The following SUCLA2 variants were observed in gnomAD, a reference collection of about 807,000 sequenced individuals.
SUCLA2 encodes the protein succinate--CoA ligase [ADP-forming] subunit beta, mitochondrial.
In SUCLA2, 30 loss-of-function variants were observed where a neutral mutation model predicts 54.8. That is an observed-to-expected ratio of 0.55 (90% CI 0.41 to 0.74). The LOEUF (loss-of-function observed/expected upper bound fraction) is 0.74. SUCLA2 is among the 30% of genes least tolerant of loss of function. The pLI is 0.00. For missense variants in SUCLA2, 476 were observed against 562.9 expected, an observed-to-expected ratio of 0.85 and a Z score of 1.56; for synonymous variants, 172 against 188.9, an observed-to-expected ratio of 0.91 and a Z score of 0.74.
chr13:48,001,100 C>G lies in SUCLA2; in HGVS notation c.90+80G>C, dbSNP rs1593508594. 5.2e-6 allele frequency: 8 copies of G among 1,536,144 alleles called. No individual in the cohort carries two copies. In the South Asian group the frequency reaches 9.5e-5, roughly 18 times the overall value. On this transcript the variant is annotated intron_variant, in intron 1 of 10. Transcript: ENST00000646932. The stretch of plus-strand genomic sequence containing the variant: ...AATGTCACTGCCGGCGAAGTGACCC[C>G]GAGCCGGGCCACGGGACCCCTCACA...
At chr13:47,973,418 A>C (rs1022797957) in intron 4 of SUCLA2, 26 bp from the exon 5 acceptor site, 4 of 1,610,646 alleles carry the variant, frequency 2.5e-6, no homozygotes, top group Non-Finnish European at 3.4e-6. Context: ...AACAACCAAA[A>C]CTCTAGATTT....
chr13:47,971,152 C>T (rs1247075905), intron 5 of SUCLA2, among the ~76,000 whole-genome samples: 1 of 152,222 alleles, frequency 6.6e-6, no homozygotes, highest in Non-Finnish European at 1.5e-5. Context: ...GCGGCTCACA[C>T]CTGTAATCCC....
intron 4 of SUCLA2, among the ~76,000 whole-genome samples, chr13:47,978,217 A>G (rs1950033500): frequency 6.6e-6 from 1 of 152,218 alleles, no homozygotes; most frequent in Admixed American, 6.5e-5. Context: ...AGACACTCCT[A>G]AGCAAACAGA....
chr13:47,958,379 G>A (rs917045719), intron 6 of SUCLA2, among the ~76,000 whole-genome samples: 1 of 152,144 alleles, frequency 6.6e-6, no homozygotes, highest in African/African-American at 2.4e-5. Context: ...ATGTCTAGAT[G>A]TGTTTATTTG....
intron 4 of SUCLA2, among the ~76,000 whole-genome samples, chr13:47,978,201 A>G (rs1402754518): frequency 1.3e-5 from 2 of 152,078 alleles, no homozygotes; most frequent in African/African-American, 4.8e-5. Flanking sequence ...AGAGCCCATA[A>G]AGCCAAGACA....
chr13:47,954,566 G>C lies in SUCLA2; in HGVS notation c.803-9C>G, dbSNP rs1207618540. ...TGCATCCATACACAATACTTTGAAG[G>C]GAAAAAGAGAAAAATGACCTTAATT... On this transcript the variant is annotated splice_polypyrimidine_tract_variant and intron_variant, in intron 6 of 10. Coordinates refer to ENST00000646932, the MANE Select transcript of SUCLA2 (RefSeq NM_003850.3). 6.2e-7 allele frequency: 1 copy of C among 1,611,660 alleles called. No individual in the cohort carries two copies. Among genetic ancestry groups the C allele is most frequent in the African/African-American group, 1.3e-5 (1 of 74,826 alleles).
chr13:47,943,451 A>G lies in SUCLA2; in HGVS notation c.1318-6T>C, dbSNP rs759299478. The G allele has an allele frequency of 6.2e-7, 1 of 1,613,764 alleles. No homozygotes were observed. Among genetic ancestry groups the G allele is most frequent in the Non-Finnish European group, 8.5e-7 (1 of 1,179,746 alleles). On this transcript the variant is annotated splice_region_variant and splice_polypyrimidine_tract_variant and intron_variant, in intron 10 of 10. Transcript: ENST00000646932. ...ATTTCAGAGAGCTTTACAACCTAAA[A>G]GAAAAGAACGAAGAATTTTCACAAA...
At chr13:47,953,182 C>T (rs75128833) in intron 8 of SUCLA2, among the ~76,000 whole-genome samples, 3,215 of 152,244 alleles carry the variant, frequency 0.021, 104 homozygotes, top group African/African-American at 0.071. Context: ...TGACGCCCAT[C>T]ATGTCAGTCC....
At position 47,979,277 on chromosome 13, in the gene SUCLA2, G is replaced by A. The variant is rs539975150; in HGVS notation, c.535-5885C>T. On this transcript the variant is annotated intron_variant, in intron 4 of 10. Coordinates refer to ENST00000646932, the MANE Select transcript of SUCLA2 (RefSeq NM_003850.3). ...GTGATAGACGGGATAAAGAAAATGT[G>A]GCACATATACACCATGGAATACTAT... Among the ~76,000 whole-genome samples, 3 of 152,252 alleles carry A rather than the reference G, an allele frequency of 2.0e-5. No homozygotes were observed. In the East Asian group the frequency reaches 5.8e-4, roughly 29 times the overall value.
intron 1 of SUCLA2, 79 bp downstream of exon 1, chr13:48,001,101 G>A (rs1348957874): frequency 9.1e-6 from 14 of 1,536,878 alleles, no homozygotes; most frequent in Non-Finnish European, 1.1e-5. Flanking sequence ...AAGTGACCCC[G>A]AGCCGGGCCA....
intron 5 of SUCLA2, chr13:47,971,712 G>C (rs1173903145): frequency 2.6e-6 from 1 of 391,496 alleles, no homozygotes; most frequent in Non-Finnish European, 4.5e-6. Flanking sequence ...ATAAACCACA[G>C]CTCTATTATG....
At chr13:48,000,851 A>G (rs1950224568) in intron 1 of SUCLA2, 6 of 1,164,896 alleles carry the variant, frequency 5.2e-6, no homozygotes, top group South Asian at 2.4e-5. Context: ...ACCGTGCCAG[A>G]CGCCGGAATG....
At chr13:47,946,824 C>G (rs918638385) in intron 10 of SUCLA2, among the ~76,000 whole-genome samples, 3 of 151,866 alleles carry the variant, frequency 2.0e-5, no homozygotes, top group African/African-American at 7.3e-5. Flanking sequence ...GATAGTATGG[C>G]ATGAACGAAG....
chr13:47,995,333 C>T (rs921366027), intron 2 of SUCLA2, among the ~76,000 whole-genome samples: 5 of 152,036 alleles, frequency 3.3e-5, no homozygotes, highest in Admixed American at 3.3e-4. Context: ...AATTTCACCA[C>T]AATTAGTATG....
At chr13:47,994,271 C>T (rs1036725613) in intron 2 of SUCLA2, among the ~76,000 whole-genome samples, 3 of 151,624 alleles carry the variant, frequency 2.0e-5, no homozygotes, top group Non-Finnish European at 1.5e-5. Flanking sequence ...CAATGACTCA[C>T]TAAAAACACA....
Position 47,943,086 on chromosome 13 carries a change from C to G in SUCLA2, c.*285G>C. On this transcript the variant is annotated 3_prime_UTR_variant, in exon 11 of 11. Coordinates refer to ENST00000646932, the MANE Select transcript of SUCLA2 (RefSeq NM_003850.3). ...CTCTTATCAATGAAGAACTTTGTATCCAACAATAATAAACTGGCAAATTGC... is the reference window on the plus strand; with the variant it reads ...CTCTTATCAATGAAGAACTTTGTATGCAACAATAATAAACTGGCAAATTGC... 1 of 394,322 alleles carries G rather than the reference C, an allele frequency of 2.5e-6. No homozygotes were observed. The highest frequency in any genetic ancestry group is 2.7e-5 in the South Asian group (1 of 36,750). The allele number at this position is 394,322 out of a possible 1,614,324, so 24.4% of individuals were successfully genotyped here. A position where few individuals can be genotyped will look rare whatever the true frequency, so the allele number is the denominator to read the frequency against.
chr13:47,999,788 T>G (rs1474602647), intron 1 of SUCLA2, among the ~76,000 whole-genome samples: 1 of 152,072 alleles, frequency 6.6e-6, no homozygotes, highest in Non-Finnish European at 1.5e-5. Context: ...GACTCCGTAC[T>G]TCTATGTCCT....
At chr13:47,994,567 C>CA (rs777506622) in intron 2 of SUCLA2, among the ~76,000 whole-genome samples, 3,005 of 42,266 alleles carry the variant, frequency 0.071, 125 homozygotes, top group African/African-American at 0.16. Flanking sequence ...GACTCCGTCT[C>CA]AAAAAAAAAA....
rs1303903920 is a variant in SUCLA2, at chr13:47,969,923, GA to G, written c.664-1191del. Among the ~76,000 whole-genome samples, 19 of 152,122 alleles carry G rather than the reference GA, an allele frequency of 1.2e-4. No individual in the cohort carries two copies. In the South Asian group the frequency reaches 1.5e-3, roughly 12 times the overall value. On this transcript the variant is annotated intron_variant, in intron 5 of 10. Transcript: ENST00000646932. Reference sequence around the variant, plus strand: ...TTGAGACCAGCCTGGGCAACATGGTGAAACACTGTCTCTATCAAAAATACAA... The same window carrying G: ...TTGAGACCAGCCTGGGCAACATGGTGAACACTGTCTCTATCAAAAATACAA...
Sources: allele counts gnomAD v4.1 joint callset (sites outside exome capture counted in the v4.1 genomes callset), GRCh38; gene constraint gnomAD v4.1.1; transcripts MANE v1.5; gene names NCBI Gene and HGNC (gene_info 2026-07-23, HGNC 2026-07-21).